The following F13A1 variants were observed in gnomAD, a reference collection of about 807,000 sequenced individuals.
The protein encoded by F13A1 is coagulation factor XIII A chain.
F13A1 carries 47 observed loss-of-function variants against 80.1 expected under a neutral mutation model. The observed-to-expected ratio is 0.59, with a 90% CI of 0.46 to 0.75. F13A1 has a LOEUF of 0.75. F13A1 is among the 30% of genes least tolerant of loss of function. F13A1 has a pLI of 0.00. For missense variants in F13A1, 817 were observed against 930.4 expected (o/e 0.88, Z 1.59); for synonymous variants, 349 against 344.9 (o/e 1.01, Z -0.13).
intron 3 of F13A1, among the ~76,000 whole-genome samples, chr6:6,300,643 G>A (rs971736378): frequency 1.3e-5 from 2 of 151,954 alleles, no homozygotes; most frequent in Non-Finnish European, 2.9e-5. Context: ...CCCACTGTGC[G>A]GCACTCCCTA....
rs1015947018 is a variant in F13A1, at chr6:6,232,819, T to C, written c.799-7959A>G. On this transcript the variant is annotated intron_variant, in intron 6 of 14. Coordinates refer to ENST00000264870, the MANE Select transcript of F13A1 (RefSeq NM_000129.4). ...AAAGAAACCTTCAAAACCATGCAAA[T>C]ACATGGAAATTAAGTAACCTGCTCC... Among the ~76,000 whole-genome samples, 7 of 152,060 alleles carry C rather than the reference T, an allele frequency of 4.6e-5. 1 individual carries two copies. Among genetic ancestry groups the C allele is most frequent in the Non-Finnish European group, 8.8e-5 (6 of 67,962 alleles).
intron 10 of F13A1, among the ~76,000 whole-genome samples, chr6:6,190,255 C>T (rs1381446817): frequency 2.0e-5 from 3 of 152,190 alleles, no homozygotes; most frequent in South Asian, 2.1e-4. Flanking sequence ...AGCTTTGTTC[C>T]TTTGCTGGTG....
intron 8 of F13A1, among the ~76,000 whole-genome samples, chr6:6,209,866 G>T (rs1258440339): frequency 6.6e-6 from 1 of 151,278 alleles, no homozygotes; most frequent in African/African-American, 2.5e-5. Flanking sequence ...CTGCTAATAG[G>T]TATGGCAGAG....
At chr6:6,154,343 G>C (rs1429248871) in intron 13 of F13A1, among the ~76,000 whole-genome samples, 1 of 152,214 alleles carries the variant, frequency 6.6e-6, no homozygotes, top group East Asian at 1.9e-4. Context: ...TGTGGAGAGA[G>C]AAGCCTGGTT....
At chr6:6,208,805 A>G (rs1761543550) in intron 8 of F13A1, among the ~76,000 whole-genome samples, 1 of 152,050 alleles carries the variant, frequency 6.6e-6, no homozygotes, top group Non-Finnish European at 1.5e-5. Flanking sequence ...CTCCATTTCT[A>G]TTTATACTTC....
intron 4 of F13A1, among the ~76,000 whole-genome samples, chr6:6,252,216 G>T (rs1757642320): frequency 6.6e-6 from 1 of 152,188 alleles, no homozygotes; most frequent in Non-Finnish European, 1.5e-5. Context: ...TAGAGGAAAA[G>T]ATTTAAGTGA....
At chr6:6,304,220 T>A (rs1325446940) in intron 3 of F13A1, among the ~76,000 whole-genome samples, 1 of 137,578 alleles carries the variant, frequency 7.3e-6, no homozygotes, top group Admixed American at 7.2e-5. Context: ...ATCATTGAGG[T>A]GTTTTTTTTC....
rs759699312 is a variant in F13A1 at position 6,195,866 on chromosome 6, G to A, written c.1236C>T (p.Pro412=). ...ENSDGMYRCG[P]ASVQAIKHGH... ...CGTGCTTGATGGCTTGAACCGAGGC[G>A]GGGCCACACCGATACATGCCTGCAT... Residue 412 remains proline, a synonymous_variant, in exon 10 of 15, where the codon CCC becomes CCT. Coordinates refer to ENST00000264870, the MANE Select transcript of F13A1 (RefSeq NM_000129.4). 1.7e-5 allele frequency: 27 copies of A among 1,613,994 alleles called. No individual in the cohort carries two copies. The highest frequency in any genetic ancestry group is 1.1e-4 in the South Asian group (10 of 91,080).
In F13A1 at chr6:6,250,853, T is replaced by A. The variant is rs1757621585; in HGVS notation, c.648A>T (p.Gly216=). The change falls in exon 5 of 15, where the codon GGA becomes GGT. Residue 216 remains glycine, a synonymous_variant. Transcript: ENST00000264870. The surrounding 1 kb of genome is among the most constrained non-coding windows in gnomAD (Gnocchi z 4.2). ...VLNDIGVIFY[G]EVNDIKTRSW... ...TTCTGGTCTTGATGTCATTGACCTCTCCATAAAAAATTACCCCGATGTCAT... is the reference window on the plus strand; with the variant it reads ...TTCTGGTCTTGATGTCATTGACCTCACCATAAAAAATTACCCCGATGTCAT... The A allele has an allele frequency of 1.9e-6, 3 of 1,613,732 alleles. No individual in the cohort carries two copies. The highest frequency in any genetic ancestry group is 2.5e-6 in the Non-Finnish European group (3 of 1,179,772).
In F13A1 at chr6:6,282,018, G is replaced by A. The variant is rs1412288013; in HGVS notation, c.320-15209C>T. On this transcript the variant is annotated intron_variant, in intron 3 of 14. Coordinates refer to ENST00000264870, the MANE Select transcript of F13A1 (RefSeq NM_000129.4). The stretch of plus-strand genomic sequence containing the variant: ...CAAAAAAAAAAAAAAAAAAAAAAAT[G>A]TATGGAGGACAAGAGTCATGAATCA... Among the ~76,000 whole-genome samples, 32 of 142,816 alleles carry A rather than the reference G, an allele frequency of 2.2e-4. No homozygotes were observed. In the East Asian group the frequency reaches 5.6e-3, roughly 25 times the overall value. The allele number at this position is 142,816 out of a possible 152,430, so 93.7% of individuals were successfully genotyped here.
At chr6:6,251,615 G>A (rs1757634293) in intron 4 of F13A1, among the ~76,000 whole-genome samples, 5 of 152,166 alleles carry the variant, frequency 3.3e-5, no homozygotes, top group Admixed American at 2.0e-4. Context: ...GAGCAGCAAA[G>A]CATCTTTAAC....
rs763792696 is a variant in F13A1 at position 6,309,980 on chromosome 6, C to T, written c.131-4441G>A. ...GTAAGGCTGGAGACGGAGAAATATTCGAGTATTTCTTTGGTATCATTGGTA... is the reference window on the plus strand; with the variant it reads ...GTAAGGCTGGAGACGGAGAAATATTTGAGTATTTCTTTGGTATCATTGGTA... On this transcript the variant is annotated intron_variant, in intron 2 of 14. Transcript: ENST00000264870. Among the ~76,000 whole-genome samples the T allele has an allele frequency of 1.1e-3, 163 of 152,270 alleles. 1 individual carries two copies. The highest frequency in any genetic ancestry group is 3.8e-3 in the African/African-American group (156 of 41,544).
chr6:6,264,410 A>G (rs1462878988), intron 4 of F13A1, among the ~76,000 whole-genome samples: 2 of 152,308 alleles, frequency 1.3e-5, no homozygotes, highest in African/African-American at 4.8e-5. Context: ...CTCTTGATTG[A>G]TAAGTATGAA....
At chr6:6,288,014 A>T (rs766907837) in intron 3 of F13A1, among the ~76,000 whole-genome samples, 1 of 151,906 alleles carries the variant, frequency 6.6e-6, no homozygotes, top group Non-Finnish European at 1.5e-5. Flanking sequence ...TTTTTAAAAA[A>T]TAGACAATCA....
chr6:6,153,583 G>C (rs1372169764), intron 13 of F13A1, among the ~76,000 whole-genome samples: 1 of 152,166 alleles, frequency 6.6e-6, no homozygotes. Flanking sequence ...GAGGGCAGTG[G>C]TGGAGAGCTG....
intron 7 of F13A1, 40 bp from the exon 8 acceptor site, chr6:6,222,211 C>T (rs550976245): frequency 5.0e-6 from 8 of 1,613,178 alleles, no homozygotes; most frequent in South Asian, 3.3e-5. Context: ...ACATCACCAG[C>T]ATTTAATAAA....
At chr6:6,302,057 C>T (rs1037348547) in intron 3 of F13A1, among the ~76,000 whole-genome samples, 5 of 152,154 alleles carry the variant, frequency 3.3e-5, no homozygotes, top group African/African-American at 1.2e-4. Flanking sequence ...CCTAGTAACC[C>T]GATCTAAGAC....
At chr6:6,251,667 G>A (rs1757634827) in intron 4 of F13A1, among the ~76,000 whole-genome samples, 1 of 152,172 alleles carries the variant, frequency 6.6e-6, no homozygotes, top group African/African-American at 2.4e-5. Context: ...TCAGGAAAAT[G>A]TGTGTGTTTG....
intron 3 of F13A1, among the ~76,000 whole-genome samples, chr6:6,289,500 C>CT (rs1758192054): frequency 6.7e-6 from 1 of 150,130 alleles, no homozygotes; most frequent in South Asian, 2.1e-4. Flanking sequence ...ACATAAGTTC[C>CT]TTTGGGGGAA....
Sources: allele counts gnomAD v4.1 joint callset (sites outside exome capture counted in the v4.1 genomes callset), GRCh38; gene constraint gnomAD v4.1.1; non-coding constraint Gnocchi (gnomAD v3.1); transcripts MANE v1.5; gene names NCBI Gene and HGNC (gene_info 2026-07-23, HGNC 2026-07-21).